Variants in DNAH9 observed in about 807,000 individuals in gnomAD.
DNAH9 encodes dynein axonemal heavy chain 9, also known as DNAH9 variant protein.
A neutral mutation model predicts 471.6 loss-of-function variants in DNAH9; 345 were observed. The ratio of observed to expected loss-of-function variants is 0.73; its 90% CI spans 0.67 to 0.80. The LOEUF is 0.80. DNAH9 is among the 30% of genes least tolerant of loss of function. The pLI is 0.00. For synonymous variants in DNAH9, 2,093 were observed against 2,123.6 expected (o/e 0.99, Z 0.40); for missense variants, 5,407 against 5,609.2 (o/e 0.96, Z 1.15).
At chr17:11,940,170 A>G (rs1359962118) in intron 66 of DNAH9, among the ~76,000 whole-genome samples, 2 of 152,218 alleles carry the variant, frequency 1.3e-5, no homozygotes, top group Non-Finnish European at 2.9e-5. Flanking sequence ...CTGTGGAAAT[A>G]AGGTGGACTC....
At chr17:11,941,835 G>A (rs921545772) in intron 66 of DNAH9, among the ~76,000 whole-genome samples, 3 of 151,530 alleles carry the variant, frequency 2.0e-5, no homozygotes, top group Non-Finnish European at 2.9e-5. Flanking sequence ...ACTGTATCTG[G>A]ATATAGATAG....
intron 49 of DNAH9, among the ~76,000 whole-genome samples, chr17:11,852,860 A>ATG (rs1971478386): frequency 8.3e-6 from 1 of 120,178 alleles, no homozygotes; most frequent in Non-Finnish European, 1.8e-5. Context: ...ATATATATAT[A>ATG]TGAAAGTGTG....
intron 48 of DNAH9, among the ~76,000 whole-genome samples, chr17:11,829,516 G>A (rs915718892): frequency 6.6e-6 from 1 of 152,152 alleles, no homozygotes; most frequent in East Asian, 1.9e-4. Context: ...CTGTCACCCA[G>A]GCTGGAGTGC....
At chr17:11,715,526 T>G (rs1411948359) in intron 26 of DNAH9, among the ~76,000 whole-genome samples, 2 of 152,148 alleles carry the variant, frequency 1.3e-5, no homozygotes, top group Non-Finnish European at 2.9e-5. Flanking sequence ...CCTGACATGG[T>G]GAAAGAGTCA....
rs1181354350 is a variant in DNAH9, at chr17:11,690,417, T to C, written c.4595T>C (p.Ile1532Thr). 6.2e-7 allele frequency: 1 copy of C among 1,613,610 alleles called. No homozygotes were observed. The highest frequency in any genetic ancestry group is 8.5e-7 in the Non-Finnish European group (1 of 1,179,544). ...AGCATATTCACTGGATCTGAAGATA[T>C]TCGGGCACAGCTACCCCAGGTACCT... Reference protein sequence around the residue: ...LESIFTGSEDIRAQLPQDSKR... With the variant: ...LESIFTGSEDTRAQLPQDSKR... Residue 1532 changes from isoleucine (I) to threonine (T), a missense_variant, in exon 20 of 69, where the codon ATT (isoleucine) becomes ACT (threonine). Ile to Thr is a moderately conservative substitution (Grantham distance 89, BLOSUM62 -1). Transcript: ENST00000262442.
At chr17:11,618,840 A>G (rs563726934) in intron 5 of DNAH9, among the ~76,000 whole-genome samples, 2 of 152,246 alleles carry the variant, frequency 1.3e-5, no homozygotes, top group South Asian at 2.1e-4. Flanking sequence ...GCTACTGTTC[A>G]AGGAGGTTAA....
chr17:11,622,271 C>T (rs1317749215), intron 6 of DNAH9, among the ~76,000 whole-genome samples: 1 of 152,102 alleles, frequency 6.6e-6, no homozygotes, highest in African/African-American at 2.4e-5. Context: ...GAGAGAAAGC[C>T]AGAAGCTAGA....
chr17:11,809,851 C>T (rs1161123588), intron 44 of DNAH9, among the ~76,000 whole-genome samples: 1 of 152,002 alleles, frequency 6.6e-6, no homozygotes, highest in African/African-American at 2.4e-5. Context: ...TTGTATGAGT[C>T]TTATATATGT....
In DNAH9 at chr17:11,807,645, G is replaced by T. The variant is rs1969739346; in HGVS notation, c.8421-87G>T. 29 of 1,415,792 alleles carry T rather than the reference G, an allele frequency of 2.0e-5. No individual in the cohort carries two copies. In the South Asian group the frequency reaches 3.4e-4, roughly 17 times the overall value. 87.7% of individuals were successfully genotyped at this position (1,415,792 alleles called of 1,614,324 possible). ...AGCCTGTGACGTGCCTCCAAGGAAGGCCCCTGCTCCCACTCAAGCCTTTAT... is the reference window on the plus strand; with the variant it reads ...AGCCTGTGACGTGCCTCCAAGGAAGTCCCCTGCTCCCACTCAAGCCTTTAT... On this transcript the variant is annotated intron_variant, in intron 43 of 68. Transcript: ENST00000262442.
rs1967747335 is a variant in DNAH9, at chr17:11,762,770, G to GTTTTGT, written c.6996-666_6996-665insGTTTTT. Among the ~76,000 whole-genome samples the GTTTTGT allele has an allele frequency of 2.3e-3, 207 of 90,754 alleles. 6 individuals carry two copies. Among genetic ancestry groups the GTTTTGT allele is most frequent in the East Asian group, 7.6e-3 (23 of 3,026 alleles). 59.5% of individuals were successfully genotyped at this position (90,754 alleles called of 152,430 possible). A position where few individuals can be genotyped will look rare whatever the true frequency, so the allele number is the denominator to read the frequency against. On this transcript the variant is annotated intron_variant, in intron 35 of 68. Transcript: ENST00000262442. The stretch of plus-strand genomic sequence containing the variant: ...CCTCTTTAGGTGCGTTTTTTTTTTT[G>GTTTTGT]TTTTTTTTTTTTTTTTTTTTTTTTT...
intron 28 of DNAH9, among the ~76,000 whole-genome samples, chr17:11,731,807 C>T (rs1175341235): frequency 6.6e-6 from 1 of 152,050 alleles, no homozygotes. Flanking sequence ...CATTGTTGGA[C>T]ATTTGGGTTG....
chr17:11,803,038 G>A (rs1969525208), intron 43 of DNAH9, among the ~76,000 whole-genome samples: 1 of 152,220 alleles, frequency 6.6e-6, no homozygotes, highest in South Asian at 2.1e-4. Context: ...AAGAATGCCT[G>A]CATCGTAGGG....
chr17:11,757,003 A>G (rs1224161267), intron 34 of DNAH9, among the ~76,000 whole-genome samples: 1 of 152,084 alleles, frequency 6.6e-6, no homozygotes, highest in Non-Finnish European at 1.5e-5. Context: ...ATCTGTCTCC[A>G]CTGAACAAAT....
At chr17:11,858,641 T>C (rs994712398) in intron 50 of DNAH9, among the ~76,000 whole-genome samples, 8 of 152,236 alleles carry the variant, frequency 5.3e-5, no homozygotes, top group African/African-American at 1.9e-4. Flanking sequence ...CCATGTGTTA[T>C]GCTGATATCT....
chr17:11,735,423 TG>T (rs1294258240), intron 28 of DNAH9, among the ~76,000 whole-genome samples: 4 of 152,082 alleles, frequency 2.6e-5, no homozygotes, highest in East Asian at 1.9e-4. Context: ...TTTTTTGTTT[TG>T]TTTTTTTGTT....
chr17:11,704,580 T>C, intron 25 of DNAH9, 138 bp downstream of exon 25: 1 of 660,892 alleles, frequency 1.5e-6, no homozygotes, highest in Non-Finnish European at 2.4e-6. Flanking sequence ...TGGCTGCTCC[T>C]ACTTTTTTTT....
chr17:11,688,983 C>G (rs542168091), intron 19 of DNAH9, among the ~76,000 whole-genome samples: 86 of 152,132 alleles, frequency 5.7e-4, no homozygotes, highest in African/African-American at 2.0e-3. Context: ...GTATTCCCAG[C>G]TACTTGGGAG....
chr17:11,942,187 G>T (rs558494113), intron 66 of DNAH9, 116 bp from the exon 67 acceptor site: 1 of 1,405,778 alleles, frequency 7.1e-7, no homozygotes, highest in Admixed American at 2.0e-5. Context: ...ATGTCAGTGG[G>T]TGGAGGGGCA....
chr17:11,942,852 G>C (rs544928134), intron 67 of DNAH9, among the ~76,000 whole-genome samples: 1 of 151,886 alleles, frequency 6.6e-6, no homozygotes, highest in Non-Finnish European at 1.5e-5. Context: ...CCTTTGAGGA[G>C]CTGAGGAAGG....
Sources: allele counts gnomAD v4.1 joint callset (sites outside exome capture counted in the v4.1 genomes callset), GRCh38; gene constraint gnomAD v4.1.1; transcripts MANE v1.5; gene names NCBI Gene and HGNC (gene_info 2026-07-23, HGNC 2026-07-21).